Variants in TSC2 observed in about 807,000 individuals in gnomAD.
TSC2 encodes the protein TSC complex subunit 2, also known as tuberin.
A neutral mutation model predicts 202.2 loss-of-function variants in TSC2; 29 were observed. The ratio of observed to expected loss-of-function variants is 0.14; its 90% CI spans 0.11 to 0.20. The LOEUF (loss-of-function observed/expected upper bound fraction) is 0.20. Ranked by LOEUF, TSC2 falls within the 10% of genes least tolerant of loss-of-function variation. TSC2 has a pLI of 1.00. For synonymous variants in TSC2, 1,349 were observed against 1,044.0 expected, an observed-to-expected ratio of 1.29 and a Z score of -5.63; for missense variants, 2,429 against 2,420.0, an observed-to-expected ratio of 1.00 and a Z score of -0.08.
chr16:2,059,181 G>A (rs1339788684), intron 10 of TSC2, among the ~76,000 whole-genome samples: 1 of 151,642 alleles, frequency 6.6e-6, no homozygotes, highest in Non-Finnish European at 1.5e-5. Context: ...ACCATGCCTG[G>A]CTAATTTTGT....
At position 2,079,748 on chromosome 16, in the gene TSC2, C is replaced by T. The variant is rs1022089276; in HGVS notation, c.3397+79C>T. The stretch of plus-strand genomic sequence containing the variant: ...TGCTGGTCCCAGTGTTCAGGAAGGC[C>T]CCGAGCCCAGGGGCCGGGGTGGCTG... On this transcript the variant is annotated intron_variant, in intron 29 of 41. Transcript: ENST00000219476. This position sits in a 1 kb window ranked among gnomAD's most constrained non-coding sequence, Gnocchi z 4.6. 13 of 1,453,090 alleles carry T rather than the reference C, an allele frequency of 8.9e-6. No homozygotes were observed. Among genetic ancestry groups the T allele is most frequent in the Non-Finnish European group, 1.2e-5 (13 of 1,080,584 alleles). 90.0% of individuals were successfully genotyped at this position (1,453,090 alleles called of 1,614,324 possible).
At position 2,080,674 on chromosome 16, in the gene TSC2, T is replaced by G. The variant is rs368981283; in HGVS notation, c.3610+297T>G. On this transcript the variant is annotated intron_variant, in intron 30 of 41. Coordinates refer to ENST00000219476, the MANE Select transcript of TSC2 (RefSeq NM_000548.5). ...AATTTTTTTGTATTTCTAGTAGAGA[T>G]GGGGTTTCACTGTGTTAGCCAGGAT... The G allele has an allele frequency of 7.7e-4, 307 of 401,272 alleles. 1 individual carries two copies. The highest frequency in any genetic ancestry group is 1.2e-3 in the Non-Finnish European group (256 of 212,468). 24.9% of individuals were successfully genotyped at this position (401,272 alleles called of 1,614,324 possible). A position where few individuals can be genotyped will look rare whatever the true frequency, so the allele number is the denominator to read the frequency against.
rs1267329460 is a variant in TSC2, at chr16:2,084,321, G to A, written c.4099G>A (p.Gly1367Ser). The change falls in exon 34 of 42, where the codon GGT becomes AGT. Residue 1367 changes from glycine (G) to serine (S), a missense_variant. Transcript: ENST00000219476. ...IPIERVVSSE[G>S]GRPSVDLSFQ... ...CATCGAGCGAGTCGTCTCCTCGGAGGGTGGCCGGCCCTCTGTGGACCTCTC... is the reference window on the plus strand; with the variant it reads ...CATCGAGCGAGTCGTCTCCTCGGAGAGTGGCCGGCCCTCTGTGGACCTCTC... The A allele has an allele frequency of 6.2e-7, 1 of 1,612,638 alleles. No homozygotes were observed. The highest frequency in any genetic ancestry group is 2.2e-5 in the East Asian group (1 of 44,894).
In TSC2 at chr16:2,065,522, A is replaced by T. The variant is rs1309598467; in HGVS notation, c.1603A>T (p.Met535Leu). 1 of 1,609,718 alleles carries T rather than the reference A, an allele frequency of 6.2e-7. No homozygotes were observed. Among genetic ancestry groups the T allele is most frequent in the African/African-American group, 1.3e-5 (1 of 74,608 alleles). Residue 535 changes from methionine (M) to leucine (L), a missense_variant, in exon 16 of 42, where the codon ATG (methionine) becomes TTG (leucine). Physicochemically the swap from Met to Leu is conservative, Grantham distance 15 (BLOSUM62 2). Transcript: ENST00000219476. ...AGTCCTGGCCTTCTCTTCAAAGGTG[A>T]TGGCCCGCTCCCTCTCCCCACCCCC... is the stretch of plus-strand genomic sequence containing the variant. ...NSLLDIIEKVMARSLSPPPEL... is the reference protein window; with the variant it reads ...NSLLDIIEKVLARSLSPPPEL...
At position 2,070,469 on chromosome 16, in the gene TSC2, C is replaced by T. The variant is rs770895919; in HGVS notation, c.1730C>T (p.Thr577Ile). The T allele has an allele frequency of 5.0e-6, 8 of 1,613,304 alleles. No homozygotes were observed. The African/African-American group carries it at 9.3e-5, about 19-fold the overall frequency. ...LLVILQTKLYTLPASHATRVY... is the reference protein window; with the variant it reads ...LLVILQTKLYILPASHATRVY... ...CTCTCTCTGCAGACCAAGCTGTACA[C>T]CCTGCCTGCAAGCCACGCCACGCGT... Residue 577 changes from threonine to isoleucine, a missense_variant, in exon 17 of 42, where the codon ACC (threonine) becomes ATC (isoleucine). Thr to Ile is a moderately conservative substitution (Grantham distance 89). Coordinates refer to ENST00000219476, the MANE Select transcript of TSC2 (RefSeq NM_000548.5).
At chr16:2,086,677 C>T (rs2151582117) in intron 37 of TSC2, 55 bp from the exon 38 acceptor site, 1 of 1,601,760 alleles carries the variant, frequency 6.2e-7, no homozygotes, top group Non-Finnish European at 8.5e-7. Context: ...CAGTGCAAGG[C>T]ACAGAGGGCC....
intron 16 of TSC2, 97 bp from the exon 17 acceptor site, chr16:2,070,359 G>A: frequency 6.2e-7 from 1 of 1,606,930 alleles, no homozygotes; most frequent in Non-Finnish European, 8.5e-7. Flanking sequence ...ACGCACTCTA[G>A]AGCAGCCGCC....
In TSC2 at chr16:2,088,875, G is replaced by C; in HGVS notation, c.*265G>C. On this transcript the variant is annotated 3_prime_UTR_variant, in exon 42 of 42. Coordinates refer to ENST00000219476, the MANE Select transcript of TSC2 (RefSeq NM_000548.5). ...GGCCATACAGCACACTCGCGCGTGC[G>C]CGCGCGCACACACACACACACACAG... The C allele has an allele frequency of 2.0e-6, 1 of 487,886 alleles. No homozygotes were observed. The highest frequency in any genetic ancestry group is 3.6e-6 in the Non-Finnish European group (1 of 277,076). The allele number at this position is 487,886 out of a possible 1,614,324, so 30.2% of individuals were successfully genotyped here.
chr16:2,055,979 G>C, intron 6 of TSC2: 1 of 637,320 alleles, frequency 1.6e-6, no homozygotes, highest in Non-Finnish European at 2.9e-6. Context: ...TGTTTGTTTA[G>C]AATGTTGCAT....
In TSC2 at chr16:2,056,225, C is replaced by T. The variant is rs764925296; in HGVS notation, c.629C>T (p.Ala210Val). The T allele has an allele frequency of 1.4e-5, 23 of 1,613,956 alleles. No homozygotes were observed. Among genetic ancestry groups the T allele is most frequent in the East Asian group, 2.2e-5 (1 of 44,900 alleles). ...QMICLLCVRT[A>V]SSVDIEVSLQ... The stretch of plus-strand genomic sequence containing the variant: ...ATCTGTCTGCTGTGCGTCCGGACCG[C>T]GTCCTCTGTGGACATAGAGGTCAGT... The change falls in exon 7 of 42, where the codon GCG becomes GTG. Residue 210 changes from alanine (A) to valine (V), a missense_variant. Coordinates refer to ENST00000219476, the MANE Select transcript of TSC2 (RefSeq NM_000548.5).
At chr16:2,057,318 G>A (rs1301694433) in intron 9 of TSC2, 140 bp downstream of exon 9, 7 of 969,136 alleles carry the variant, frequency 7.2e-6, no homozygotes, top group African/African-American at 3.2e-5. Context: ...CCACTAGAGC[G>A]AGGCCCATGA....
rs967699112 is a variant in TSC2, at chr16:2,064,187, G to A, written c.1444-85G>A. ...CCCGAGGGACATGTCCGCTGCTTGC[G>A]GGTCGGTTCCTGAGGAATTGGAAGT... is the stretch of plus-strand genomic sequence containing the variant. On this transcript the variant is annotated intron_variant, in intron 14 of 41. Transcript: ENST00000219476. 1.2e-5 allele frequency: 20 copies of A among 1,602,900 alleles called. No homozygotes were observed. The Admixed American group carries it at 2.5e-4, about 20-fold the overall frequency.
At chr16:2,055,355 A>C (rs1006975007) in intron 5 of TSC2, 47 bp from the exon 6 acceptor site, 1 of 1,447,656 alleles carries the variant, frequency 6.9e-7, no homozygotes. Context: ...GGTGAGTGGG[A>C]GATGTAGATT....
chr16:2,089,352 G>T lies in TSC2; in HGVS notation c.*742G>T. The T allele has an allele frequency of 2.9e-6, 1 of 349,302 alleles. No homozygotes were observed. The highest frequency in any genetic ancestry group is 5.6e-5 in the East Asian group (1 of 17,922). The allele number at this position is 349,302 out of a possible 1,614,324, so 21.6% of individuals were successfully genotyped here. A position where few individuals can be genotyped will look rare whatever the true frequency, so the allele number is the denominator to read the frequency against. ...CTGGAGAGGTAATAACTTAGGGGCA[G>T]GGTGGCGGCGGTGCAGGCTAACCCT... On this transcript the variant is annotated 3_prime_UTR_variant, in exon 42 of 42. Transcript: ENST00000219476.
At position 2,061,907 on chromosome 16, in the gene TSC2, G is replaced by A; in HGVS notation, c.1156G>A (p.Asp386Asn). 6.2e-7 allele frequency: 1 copy of A among 1,614,204 alleles called. No homozygotes were observed. The highest frequency in any genetic ancestry group is 8.5e-7 in the Non-Finnish European group (1 of 1,180,038). The change falls in exon 12 of 42, where the codon GAC (aspartate) becomes AAC (asparagine). Residue 386 changes from aspartate (D) to asparagine (N), a missense_variant. Physicochemically the swap from Asp to Asn is conservative, Grantham distance 23 (BLOSUM62 1). Transcript: ENST00000219476. Reference sequence around the variant, plus strand: ...CCCGGAGCTCAGGACCATCGTCCATGACCTGTTGACCACGGTGGAGGAGCT... The same window carrying A: ...CCCGGAGCTCAGGACCATCGTCCATAACCTGTTGACCACGGTGGAGGAGCT... Reference protein sequence around the residue: ...DSPELRTIVHDLLTTVEELCD... With the variant: ...DSPELRTIVHNLLTTVEELCD...
rs887767994 is a variant in TSC2 at position 2,086,596 on chromosome 16, C to T, written c.4850-136C>T. Reference sequence around the variant, plus strand: ...CCCTGCCCCTGGGGAGAGCCGAGGACCACTGGCCAGGCACCAGAGGACGTG... The same window carrying T: ...CCCTGCCCCTGGGGAGAGCCGAGGATCACTGGCCAGGCACCAGAGGACGTG... On this transcript the variant is annotated intron_variant, in intron 37 of 41. Transcript: ENST00000219476. 8.2e-6 allele frequency: 12 copies of T among 1,455,766 alleles called. No homozygotes were observed. In the South Asian group the frequency reaches 1.1e-4, roughly 14 times the overall value. 90.2% of individuals were successfully genotyped at this position (1,455,766 alleles called of 1,614,324 possible). A position where few individuals can be genotyped will look rare whatever the true frequency, so the allele number is the denominator to read the frequency against.
intron 9 of TSC2, among the ~76,000 whole-genome samples, chr16:2,058,467 C>T (rs1244305141): frequency 9.9e-5 from 15 of 152,256 alleles, no homozygotes; most frequent in African/African-American, 3.4e-4. Flanking sequence ...CTCCCCCAGA[C>T]TGCGAGGCTG....
At position 2,089,441 on chromosome 16, in the gene TSC2, C is replaced by A. The variant is rs1044675322; in HGVS notation, c.*831C>A. 1.4e-5 allele frequency: 7 copies of A among 508,646 alleles called. No homozygotes were observed. The highest frequency in any genetic ancestry group is 2.1e-5 in the Non-Finnish European group (6 of 281,426). The allele number at this position is 508,646 out of a possible 1,614,324, so 31.5% of individuals were successfully genotyped here. A position where few individuals can be genotyped will look rare whatever the true frequency, so the allele number is the denominator to read the frequency against. On this transcript the variant is annotated 3_prime_UTR_variant, in exon 42 of 42. Coordinates refer to ENST00000219476, the MANE Select transcript of TSC2 (RefSeq NM_000548.5). ...CCAGGGGGTGGGGCCGGGCACAGCC[C>A]GCTGTACCTGAGGACTCGGGGAAAT...
Position 2,079,309 on chromosome 16 carries a change from C to T in TSC2, c.3165C>T (p.Gly1055=), listed in dbSNP as rs1215210783. ...SPVGEFLLAG[G]RTKTWLVGNK... ...TGGGCGAGTTCCTCCTAGCGGGTGG[C>T]AGGACCAAAACCTGGCTGGTTGGGA... Residue 1055 remains glycine, a synonymous_variant, in exon 28 of 42, where the codon GGC becomes GGT. Coordinates refer to ENST00000219476, the MANE Select transcript of TSC2 (RefSeq NM_000548.5). The surrounding 1 kb of genome is among the most constrained non-coding windows in gnomAD (Gnocchi z 4.6). 2 of 1,613,080 alleles carry T rather than the reference C, an allele frequency of 1.2e-6. No homozygotes were observed. Among genetic ancestry groups the T allele is most frequent in the Non-Finnish European group, 1.7e-6 (2 of 1,180,028 alleles).
Sources: allele counts gnomAD v4.1 joint callset (sites outside exome capture counted in the v4.1 genomes callset), GRCh38; gene constraint gnomAD v4.1.1; non-coding constraint Gnocchi (gnomAD v3.1); transcripts MANE v1.5; gene names NCBI Gene and HGNC (gene_info 2026-07-23, HGNC 2026-07-21).